The following EPB41L4B variants were observed in gnomAD, a reference collection of about 807,000 sequenced individuals.
The protein encoded by EPB41L4B is erythrocyte membrane protein band 4.1 like 4B, also known as band 4.1-like protein 4B.
Under a neutral mutation model 112.5 loss-of-function variants are expected in EPB41L4B, and 30 were observed. The observed-to-expected ratio is 0.27, with a 90% CI of 0.20 to 0.36. EPB41L4B has a LOEUF of 0.36. Ranked by LOEUF, EPB41L4B falls within the 10% of genes least tolerant of loss-of-function variation. The pLI is 1.00. For missense variants in EPB41L4B, 1,024 were observed against 1,133.3 expected, an observed-to-expected ratio of 0.90 and a Z score of 1.38; for synonymous variants, 408 against 439.7, an observed-to-expected ratio of 0.93 and a Z score of 0.90.
intron 20 of EPB41L4B, among the ~76,000 whole-genome samples, chr9:109,197,437 A>G (rs1832679492): frequency 6.6e-6 from 1 of 151,598 alleles, no homozygotes; most frequent in African/African-American, 2.4e-5. Context: ...AAATAAAATA[A>G]TAATAATAAT....
rs562729163 is a variant in EPB41L4B at position 109,287,560 on chromosome 9, A to G, written c.307-7639T>C. 4.6e-5 allele frequency among the ~76,000 whole-genome samples: 7 copies of G among 152,340 alleles called. No individual in the cohort carries two copies. The East Asian group carries it at 9.6e-4, about 21-fold the overall frequency. ...GCAAAAGCACGGTGCCTATGCAGTCAAAGTGATCTCAGGAACCATCTCCTT... is the reference window on the plus strand; with the variant it reads ...GCAAAAGCACGGTGCCTATGCAGTCGAAGTGATCTCAGGAACCATCTCCTT... On this transcript the variant is annotated intron_variant, in intron 1 of 25. Coordinates refer to ENST00000374566, the MANE Select transcript of EPB41L4B (RefSeq NM_019114.5).
intron 20 of EPB41L4B, among the ~76,000 whole-genome samples, chr9:109,196,867 T>C (rs1350616016): frequency 1.3e-5 from 2 of 152,198 alleles, no homozygotes; most frequent in Non-Finnish European, 2.9e-5. Context: ...TTTGTCTGTA[T>C]CTTTAAAAGC....
chr9:109,279,529 T>A (rs1467638463), intron 2 of EPB41L4B, among the ~76,000 whole-genome samples: 1 of 152,200 alleles, frequency 6.6e-6, no homozygotes, highest in Non-Finnish European at 1.5e-5. Flanking sequence ...AAAGAACTTC[T>A]ATAATGATGT....
chr9:109,274,497 G>A (rs965349956), intron 2 of EPB41L4B, among the ~76,000 whole-genome samples: 5 of 152,182 alleles, frequency 3.3e-5, no homozygotes, highest in Non-Finnish European at 7.3e-5. Flanking sequence ...TGAATACACC[G>A]TAGTTCAGGG....
intron 2 of EPB41L4B, among the ~76,000 whole-genome samples, chr9:109,272,613 T>C (rs1380195649): frequency 6.6e-6 from 1 of 151,792 alleles, no homozygotes; most frequent in Non-Finnish European, 1.5e-5. Context: ...ACTAGCCAGG[T>C]GTGGTGGTGC....
chr9:109,229,183 T>C (rs533651556), intron 15 of EPB41L4B, among the ~76,000 whole-genome samples: 3 of 152,336 alleles, frequency 2.0e-5, no homozygotes, highest in Admixed American at 2.0e-4. Context: ...AGGGTTTTCT[T>C]CTTCCATGGA....
chr9:109,197,047 T>A (rs1312870815), intron 20 of EPB41L4B, among the ~76,000 whole-genome samples: 1 of 152,186 alleles, frequency 6.6e-6, no homozygotes, highest in Non-Finnish European at 1.5e-5. Flanking sequence ...GTAAAAAATA[T>A]TTTCCAGAAA....
rs1378932763 is a variant in EPB41L4B, at chr9:109,253,425, A to T, written c.1279+16T>A. On this transcript the variant is annotated intron_variant, in intron 12 of 25. Coordinates refer to ENST00000374566, the MANE Select transcript of EPB41L4B (RefSeq NM_019114.5). ...GCATAATGTAAAATTCCAAGAAAGA[A>T]TGAAAAACACACAACCTTTGAACGT... The T allele has an allele frequency of 2.5e-6, 4 of 1,572,948 alleles. No individual in the cohort carries two copies. In the African/African-American group the frequency reaches 5.4e-5, roughly 21 times the overall value.
At chr9:109,293,869 G>A (rs1180302557) in intron 1 of EPB41L4B, among the ~76,000 whole-genome samples, 1 of 152,096 alleles carries the variant, frequency 6.6e-6, no homozygotes, top group Non-Finnish European at 1.5e-5. Context: ...AGAAGGGGAT[G>A]TACAGATAAA....
intron 6 of EPB41L4B, among the ~76,000 whole-genome samples, chr9:109,258,740 G>C (rs967427388): frequency 1.3e-5 from 2 of 152,132 alleles, no homozygotes; most frequent in Non-Finnish European, 2.9e-5. Context: ...TCAAGAATTC[G>C]GCACATGCAG....
In EPB41L4B at chr9:109,211,594, C is replaced by CA. The variant is rs201609219; in HGVS notation, c.1752+2105dup. ...TGGGAGACAGAGTGAGACGCCATCT[C>CA]AAAAAAAAAAAAAAATCAAAGTGTG... On this transcript the variant is annotated intron_variant, in intron 17 of 25. Coordinates refer to ENST00000374566, the MANE Select transcript of EPB41L4B (RefSeq NM_019114.5). 5.6e-3 allele frequency among the ~76,000 whole-genome samples: 525 copies of CA among 94,272 alleles called. 2 individuals carry two copies. The highest frequency in any genetic ancestry group is 6.5e-3 in the Admixed American group (63 of 9,640). 61.8% of individuals were successfully genotyped at this position (94,272 alleles called of 152,430 possible). A position where few individuals can be genotyped will look rare whatever the true frequency, so the allele number is the denominator to read the frequency against.
intron 15 of EPB41L4B, among the ~76,000 whole-genome samples, chr9:109,226,173 C>G (rs1223950826): frequency 6.6e-6 from 1 of 152,200 alleles, no homozygotes; most frequent in Non-Finnish European, 1.5e-5. Context: ...AACTTTACTT[C>G]TCAGGCTCCC....
chr9:109,240,941 C>T (rs146348970), intron 15 of EPB41L4B: 19 of 985,330 alleles, frequency 1.9e-5, no homozygotes, highest in Admixed American at 1.2e-4. Flanking sequence ...AAGATTAGTA[C>T]GACTGCTTAA....
At chr9:109,190,316 C>G (rs942474419) in intron 22 of EPB41L4B, among the ~76,000 whole-genome samples, 10 of 152,196 alleles carry the variant, frequency 6.6e-5, no homozygotes, top group African/African-American at 2.4e-4. Context: ...AATTCACTGC[C>G]TGTGTGATGA....
At chr9:109,228,110 C>T (rs1053961643) in intron 15 of EPB41L4B, among the ~76,000 whole-genome samples, 4 of 152,166 alleles carry the variant, frequency 2.6e-5, no homozygotes, top group Non-Finnish European at 5.9e-5. Context: ...CAGCAGTTAT[C>T]CTTGCCTTAT....
rs1158948490 is a variant in EPB41L4B, at chr9:109,174,503, G to A, written c.*51C>T. The stretch of plus-strand genomic sequence containing the variant: ...AGTGAGCACACAAAGCCCGAAGAAA[G>A]AAGACGGACAGAAGGCACCATGCCA... On this transcript the variant is annotated 3_prime_UTR_variant, in exon 26 of 26. Coordinates refer to ENST00000374566, the MANE Select transcript of EPB41L4B (RefSeq NM_019114.5). The A allele has an allele frequency of 6.5e-7, 1 of 1,529,320 alleles. No homozygotes were observed. The highest frequency in any genetic ancestry group is 1.1e-5 in the South Asian group (1 of 89,494). 94.7% of individuals were successfully genotyped at this position (1,529,320 alleles called of 1,614,324 possible).
intron 1 of EPB41L4B, among the ~76,000 whole-genome samples, chr9:109,280,922 C>A (rs1836009745): frequency 6.6e-6 from 1 of 152,030 alleles, no homozygotes; most frequent in African/African-American, 2.4e-5. Flanking sequence ...CACTGGGTAA[C>A]CTAAGAGTAG....
At chr9:109,274,298 T>C (rs751176051) in intron 2 of EPB41L4B, among the ~76,000 whole-genome samples, 76 of 152,098 alleles carry the variant, frequency 5.0e-4, no homozygotes, top group Non-Finnish European at 9.1e-4. Context: ...GGCTCCTGCT[T>C]GGTGGGGCTG....
intron 1 of EPB41L4B, chr9:109,307,128 A>C: frequency 2.9e-6 from 1 of 342,284 alleles, no homozygotes; most frequent in Non-Finnish European, 5.8e-6. Context: ...TATGTGGAAG[A>C]GCTCATTCCC....
Sources: gnomAD v4.1 joint callset for allele counts (sites outside exome capture counted in the v4.1 genomes callset) on GRCh38, gnomAD v4.1.1 for gene constraint, MANE v1.5 for transcripts, NCBI Gene and HGNC (gene_info 2026-07-23, HGNC 2026-07-21) for gene names.